FHIT: variants seen among roughly 807,000 people sequenced by gnomAD.
The protein encoded by FHIT is bis(5'-adenosyl)-triphosphatase.
FHIT carries 19 observed loss-of-function variants against 17.9 expected under a neutral mutation model. The ratio of observed to expected loss-of-function variants is 1.06; its 90% CI spans 0.74 to 1.56. FHIT has a LOEUF of 1.56. Among genes scored for constraint, FHIT ranks in the 40% most tolerant of loss-of-function variants. FHIT has a pLI of 0.00. For missense variants in FHIT, 248 were observed against 189.2 expected, an observed-to-expected ratio of 1.31 and a Z score of -1.82; for synonymous variants, 81 against 69.7, an observed-to-expected ratio of 1.16 and a Z score of -0.81.
rs370940688 is a variant in FHIT, at chr3:59,879,654, G to A, written c.348+42692C>T. Among the ~76,000 whole-genome samples the A allele has an allele frequency of 3.9e-5, 6 of 152,104 alleles. No individual in the cohort carries two copies. In the East Asian group the frequency reaches 9.6e-4, roughly 24 times the overall value. The stretch of plus-strand genomic sequence containing the variant: ...AACACAAATGACCTAACATTACGTA[G>A]GGTCGAATAAATGAAAAATAAAGTT... On this transcript the variant is annotated intron_variant, in intron 8 of 9. Coordinates refer to ENST00000492590, the MANE Select transcript of FHIT (RefSeq NM_002012.4).
intron 3 of FHIT, among the ~76,000 whole-genome samples, chr3:60,957,515 G>A (rs181583716): frequency 6.6e-6 from 1 of 151,804 alleles, no homozygotes; most frequent in East Asian, 1.9e-4. Context: ...GGGATTACAG[G>A]CGTGAGCCAT....
chr3:60,093,562 G>A (rs1473641584), intron 5 of FHIT, among the ~76,000 whole-genome samples: 2 of 152,112 alleles, frequency 1.3e-5, no homozygotes, highest in African/African-American at 4.8e-5. Flanking sequence ...TTGGTAGGAG[G>A]GGGGTATTCT....
intron 2 of FHIT, among the ~76,000 whole-genome samples, chr3:61,092,395 G>A (rs112582695): frequency 1.3e-5 from 2 of 151,784 alleles, no homozygotes; most frequent in East Asian, 3.9e-4. Context: ...CTTCCTATTT[G>A]GTAATTACTC....
intron 5 of FHIT, among the ~76,000 whole-genome samples, chr3:60,459,831 A>G (rs1408275229): frequency 6.6e-6 from 1 of 152,176 alleles, no homozygotes; most frequent in East Asian, 1.9e-4. Context: ...ACATGGAATG[A>G]TTGTAAACCG....
intron 4 of FHIT, among the ~76,000 whole-genome samples, chr3:60,785,999 C>T (rs1700563311): frequency 6.6e-6 from 1 of 151,674 alleles, no homozygotes; most frequent in South Asian, 2.1e-4. Context: ...CAGAAGAATC[C>T]AATGTCTGCA....
In FHIT at chr3:61,059,989, AGT is replaced by A. The variant is rs368558866; in HGVS notation, c.-163-17892_-163-17891del. Among the ~76,000 whole-genome samples the A allele has an allele frequency of 5.9e-3, 891 of 151,888 alleles. 7 individuals are homozygous for A. The highest frequency in any genetic ancestry group is 8.3e-3 in the Non-Finnish European group (564 of 67,906). ...CATGGTCCCCATCTTAGTGAGTATG[AGT>A]GTGTGTGTGTAGGTGTGTAGGTGAG... On this transcript the variant is annotated intron_variant, in intron 2 of 9. Transcript: ENST00000492590.
chr3:60,745,398 G>A (rs2042336102), intron 4 of FHIT, among the ~76,000 whole-genome samples: 1 of 152,178 alleles, frequency 6.6e-6, no homozygotes, highest in African/African-American at 2.4e-5. Flanking sequence ...AGAATGCAAG[G>A]AATAGAGTGA....
At chr3:60,166,631 T>C (rs1025092603) in intron 5 of FHIT, among the ~76,000 whole-genome samples, 4 of 152,268 alleles carry the variant, frequency 2.6e-5, no homozygotes, top group African/African-American at 9.6e-5. Context: ...ATCCCAGCAA[T>C]CTATCTCCAG....
At chr3:60,963,834 G>A (rs1709580633) in intron 3 of FHIT, among the ~76,000 whole-genome samples, 1 of 152,176 alleles carries the variant, frequency 6.6e-6, no homozygotes, top group Non-Finnish European at 1.5e-5. Flanking sequence ...ATTTGCAAAG[G>A]AGTGCTTTAC....
intron 5 of FHIT, among the ~76,000 whole-genome samples, chr3:60,317,490 A>C (rs1709215876): frequency 6.6e-6 from 1 of 150,892 alleles, no homozygotes; most frequent in Admixed American, 6.6e-5. Context: ...CAGCAAAGCT[A>C]CTAACATGCA....
At chr3:60,441,951 T>G (rs1304372143) in intron 5 of FHIT, among the ~76,000 whole-genome samples, 1 of 149,818 alleles carries the variant, frequency 6.7e-6, no homozygotes, top group African/African-American at 2.5e-5. Context: ...CTCAAACTCC[T>G]GGGCTCAAGT....
intron 5 of FHIT, among the ~76,000 whole-genome samples, chr3:60,527,174 T>G (rs2035607306): frequency 1.3e-5 from 2 of 152,232 alleles, no homozygotes; most frequent in African/African-American, 4.8e-5. Context: ...ACTGCAGATA[T>G]GACTCCCTGA....
At chr3:60,603,286 A>G (rs1157756653) in intron 4 of FHIT, among the ~76,000 whole-genome samples, 2 of 152,186 alleles carry the variant, frequency 1.3e-5, no homozygotes, top group African/African-American at 4.8e-5. Context: ...AAGCTCAACA[A>G]TTCCTTGGAT....
intron 8 of FHIT, among the ~76,000 whole-genome samples, chr3:59,817,556 C>A: frequency 9.9e-6 from 1 of 100,970 alleles, no homozygotes; most frequent in African/African-American, 3.3e-5. Flanking sequence ...GAGCAACACC[C>A]GTCACTAAAA....
chr3:60,262,136 A>G (rs1706335599), intron 5 of FHIT, among the ~76,000 whole-genome samples: 1 of 152,084 alleles, frequency 6.6e-6, no homozygotes, highest in Non-Finnish European at 1.5e-5. Context: ...GTCTTTTGTC[A>G]TAGTGTCTCA....
At chr3:60,012,176 T>C (rs960286465) in intron 6 of FHIT, among the ~76,000 whole-genome samples, 3 of 152,052 alleles carry the variant, frequency 2.0e-5, no homozygotes, top group Admixed American at 6.6e-5. Flanking sequence ...TTTTCAAACT[T>C]AGAGTCACAA....
intron 2 of FHIT, among the ~76,000 whole-genome samples, chr3:61,057,724 G>C (rs1004914926): frequency 1.3e-5 from 2 of 152,200 alleles, no homozygotes; most frequent in Non-Finnish European, 2.9e-5. Context: ...AAGGTTCACT[G>C]CACTCGGGTG....
intron 4 of FHIT, among the ~76,000 whole-genome samples, chr3:60,781,296 C>CA (rs1408054174): frequency 6.6e-6 from 1 of 152,062 alleles, no homozygotes; most frequent in Non-Finnish European, 1.5e-5. Flanking sequence ...TACCATATGC[C>CA]AAAAACTATG....
chr3:61,150,949 A>AT (rs758846688), intron 2 of FHIT, among the ~76,000 whole-genome samples: 152 of 152,280 alleles, frequency 1.0e-3, no homozygotes, highest in Non-Finnish European at 1.4e-3. Flanking sequence ...CATGGAAAGC[A>AT]TTTTTTTTAT....
Sources: gnomAD v4.1 joint callset for allele counts (sites outside exome capture counted in the v4.1 genomes callset) on GRCh38, gnomAD v4.1.1 for gene constraint, MANE v1.5 for transcripts, NCBI Gene and HGNC (gene_info 2026-07-23, HGNC 2026-07-21) for gene names.